Variants in NEK1 observed in about 807,000 individuals in gnomAD.
The protein encoded by NEK1 is NIMA related kinase 1.
A neutral mutation model predicts 182.1 loss-of-function variants in NEK1; 137 were observed. That is an observed-to-expected ratio of 0.75 (90% CI 0.65 to 0.87). NEK1 has a LOEUF of 0.87. Ranked by LOEUF, NEK1 falls within the 40% of genes least tolerant of loss-of-function variation. The probability of loss-of-function intolerance (pLI) is 0.00; values close to 1 mark genes in which losing one functional copy is unlikely to be tolerated. For synonymous variants in NEK1, 513 were observed against 492.2 expected (o/e 1.04, Z -0.56); for missense variants, 1,391 against 1,494.4 (o/e 0.93, Z 1.14).
In NEK1 at chr4:169,400,571, C is replaced by T. The variant is rs1219156888; in HGVS notation, c.3664G>A (p.Glu1222Lys). 2 of 1,608,972 alleles carry T rather than the reference C, an allele frequency of 1.2e-6. No homozygotes were observed. The highest frequency in any genetic ancestry group is 1.7e-6 in the Non-Finnish European group (2 of 1,177,974). The stretch of plus-strand genomic sequence containing the variant: ...AATTTTTCAAAGCCCATTTCCTGCT[C>T]CAGATGAAGTCTCAGTTCCTCTAAA... ...NHLEELRLHLEQEMGFEKFFE... is the reference protein window; with the variant it reads ...NHLEELRLHLKQEMGFEKFFE... The change falls in exon 34 of 36, where the codon GAG (glutamate) becomes AAG (lysine). Residue 1222 changes from glutamate (E) to lysine (K), a missense_variant. Physicochemically the swap from Glu to Lys is moderately conservative, Grantham distance 56. Coordinates refer to ENST00000507142, the MANE Select transcript of NEK1 (RefSeq NM_001199397.3).
At chr4:169,538,849 G>A (rs1758920641) in intron 18 of NEK1, among the ~76,000 whole-genome samples, 1 of 152,052 alleles carries the variant, frequency 6.6e-6, no homozygotes, top group African/African-American at 2.4e-5. Context: ...TAAGATTTGA[G>A]CACTTCTGAT....
At position 169,394,015 on chromosome 4, in the gene NEK1, A is replaced by G. The variant is rs1129694; in HGVS notation, c.*495T>C. The G allele has an allele frequency of 0.37, 56,670 of 152,320 alleles. 11,138 individuals carry two copies. The highest frequency in any genetic ancestry group is 0.48 in the African/African-American group (19,874 of 41,468). 9.4% of individuals were successfully genotyped at this position (152,320 alleles called of 1,614,324 possible). On this transcript the variant is annotated 3_prime_UTR_variant, in exon 36 of 36. Coordinates refer to ENST00000507142, the MANE Select transcript of NEK1 (RefSeq NM_001199397.3). The stretch of plus-strand genomic sequence containing the variant: ...GCTAAAAATTTCATCTTCAAAATGT[A>G]TAGATGTAAACAGAGCCCTTGACAA...
chr4:169,553,162 G>C (rs1362338410), intron 18 of NEK1, among the ~76,000 whole-genome samples: 1 of 152,148 alleles, frequency 6.6e-6, no homozygotes, highest in African/African-American at 2.4e-5. Flanking sequence ...CTGATTTCAA[G>C]ACTTAATCAG....
In NEK1 at chr4:169,476,784, G is replaced by C. The variant is rs538740316; in HGVS notation, c.2434+340C>G. ...AGAGATGTTTCTGAGACACTACCCTGGTTCTCATCAAGAATTATTCATAGT... is the reference window on the plus strand; with the variant it reads ...AGAGATGTTTCTGAGACACTACCCTCGTTCTCATCAAGAATTATTCATAGT... On this transcript the variant is annotated intron_variant, in intron 26 of 35. Transcript: ENST00000507142. Among the ~76,000 whole-genome samples the C allele has an allele frequency of 3.9e-5, 6 of 152,044 alleles. No homozygotes were observed. The South Asian group carries it at 1.2e-3, about 32-fold the overall frequency.
chr4:169,599,876 C>G (rs1770189178), intron 4 of NEK1, among the ~76,000 whole-genome samples: 1 of 151,562 alleles, frequency 6.6e-6, no homozygotes. Context: ...AAGAATACTT[C>G]TTTTTTTTAT....
At chr4:169,574,950 T>C (rs932243839) in intron 12 of NEK1, among the ~76,000 whole-genome samples, 6 of 152,156 alleles carry the variant, frequency 3.9e-5, no homozygotes, top group South Asian at 4.1e-4. Context: ...ATAAGAGAGT[T>C]TTCTGGAAGA....
At chr4:169,588,045 G>C (rs1464409045) in intron 8 of NEK1, among the ~76,000 whole-genome samples, 1 of 152,054 alleles carries the variant, frequency 6.6e-6, no homozygotes, top group Non-Finnish European at 1.5e-5. Flanking sequence ...CAATTAGAGA[G>C]AGAAAATAAA....
intron 26 of NEK1, among the ~76,000 whole-genome samples, chr4:169,466,810 TA>T (rs1012285017): frequency 6.3e-4 from 96 of 152,156 alleles, no homozygotes; most frequent in African/African-American, 2.2e-3. Context: ...TCTTATTATT[TA>T]AATCTTTTTA....
At chr4:169,554,507 T>G (rs995255791) in intron 18 of NEK1, 1 of 149,566 alleles carries the variant, frequency 6.7e-6, no homozygotes, top group Non-Finnish European at 1.5e-5. Flanking sequence ...GGTATGAAAC[T>G]ATGAAGATAT....
intron 27 of NEK1, among the ~76,000 whole-genome samples, chr4:169,454,991 G>A (rs904120649): frequency 3.3e-5 from 5 of 152,130 alleles, no homozygotes; most frequent in Non-Finnish European, 5.9e-5. Flanking sequence ...GGAATACTAC[G>A]CAGCCATAAG....
chr4:169,415,059 C>T (rs971083069), intron 31 of NEK1, among the ~76,000 whole-genome samples: 2 of 152,298 alleles, frequency 1.3e-5, no homozygotes, highest in South Asian at 4.1e-4. Flanking sequence ...GCATGGCATG[C>T]CTTTGCAGTG....
chr4:169,399,592 A>G (rs1201237104), intron 35 of NEK1, among the ~76,000 whole-genome samples: 1 of 150,638 alleles, frequency 6.6e-6, no homozygotes, highest in East Asian at 2.0e-4. Context: ...AAAAAAAATG[A>G]ATTATTCTAA....
chr4:169,534,303 C>G (rs970967215), intron 19 of NEK1, among the ~76,000 whole-genome samples: 1 of 152,114 alleles, frequency 6.6e-6, no homozygotes, highest in Non-Finnish European at 1.5e-5. Context: ...GTGGTAAACC[C>G]AACAGCTGCC....
rs200265638 is a variant in NEK1 at position 169,577,809 on chromosome 4, CT to C, written c.869-731del. Among the ~76,000 whole-genome samples, 10 of 151,926 alleles carry C rather than the reference CT, an allele frequency of 6.6e-5. No homozygotes were observed. In the East Asian group the frequency reaches 1.9e-3, roughly 29 times the overall value. On this transcript the variant is annotated intron_variant, in intron 11 of 35. Coordinates refer to ENST00000507142, the MANE Select transcript of NEK1 (RefSeq NM_001199397.3). The stretch of plus-strand genomic sequence containing the variant: ...TTTTAAAAAATTCACATTTTAGAAA[CT>C]ACTTTCAAAATCAGAAGATAATCAA...
intron 23 of NEK1, among the ~76,000 whole-genome samples, chr4:169,483,605 A>G (rs759094590): frequency 6.6e-6 from 1 of 152,116 alleles, no homozygotes; most frequent in Non-Finnish European, 1.5e-5. Flanking sequence ...AGTGGCTCAC[A>G]CCTGTAATCC....
intron 16 of NEK1, among the ~76,000 whole-genome samples, chr4:169,556,629 G>GT (rs1341106702): frequency 6.6e-6 from 1 of 151,606 alleles, no homozygotes; most frequent in Admixed American, 6.6e-5. Context: ...TAGTTTCCAA[G>GT]TAAGTTGGGA....
chr4:169,492,403 GA>G (rs1292034195), intron 23 of NEK1, among the ~76,000 whole-genome samples: 1 of 152,156 alleles, frequency 6.6e-6, no homozygotes, highest in Non-Finnish European at 1.5e-5. Context: ...GGTTGATAGC[GA>G]CCGCTGAGGA....
rs977249090 is a variant in NEK1, at chr4:169,430,350, T to C, written c.2885+3195A>G. On this transcript the variant is annotated intron_variant, in intron 29 of 35. Transcript: ENST00000507142. ...TGTGCACACAACCACACCTGGCTAATTTATTTGTATTTTTAGTAGGAACAG... is the reference window on the plus strand; with the variant it reads ...TGTGCACACAACCACACCTGGCTAACTTATTTGTATTTTTAGTAGGAACAG... Among the ~76,000 whole-genome samples the C allele has an allele frequency of 2.6e-5, 4 of 152,056 alleles. No homozygotes were observed. The South Asian group carries it at 8.3e-4, about 32-fold the overall frequency.
intron 23 of NEK1, among the ~76,000 whole-genome samples, chr4:169,495,377 G>C (rs1751026422): frequency 6.6e-6 from 1 of 151,310 alleles, no homozygotes; most frequent in Non-Finnish European, 1.5e-5. Context: ...CCGTGTAGCT[G>C]GGACTACAGG....
Sources: gnomAD v4.1 joint callset for allele counts (sites outside exome capture counted in the v4.1 genomes callset) on GRCh38, gnomAD v4.1.1 for gene constraint, MANE v1.5 for transcripts, NCBI Gene and HGNC (gene_info 2026-07-23, HGNC 2026-07-21) for gene names.